The following GLCCI1 variants were observed in gnomAD, a reference collection of about 807,000 sequenced individuals.
GLCCI1 encodes glucocorticoid induced 1, also known as glucocorticoid-induced transcript 1 protein.
A neutral mutation model predicts 52.2 loss-of-function variants in GLCCI1; 24 were observed. That is an observed-to-expected ratio of 0.46 (90% CI 0.33 to 0.65). The LOEUF (loss-of-function observed/expected upper bound fraction) is 0.65, where lower values mean the gene tolerates loss of function less well. GLCCI1 is among the 30% of genes least tolerant of loss of function. The pLI is 0.02. For synonymous variants in GLCCI1, 310 were observed against 276.5 expected (o/e 1.12, Z -1.20); for missense variants, 704 against 701.5 (o/e 1.00, Z -0.04).
chr7:8,060,964 C>T (rs1782501736), intron 5 of GLCCI1, among the ~76,000 whole-genome samples: 2 of 152,272 alleles, frequency 1.3e-5, no homozygotes, highest in South Asian at 4.1e-4. Flanking sequence ...TTCTCTGCAT[C>T]CTCACCAACA....
chr7:7,998,588 C>A (rs1229928650), intron 1 of GLCCI1, among the ~76,000 whole-genome samples: 11 of 152,124 alleles, frequency 7.2e-5, no homozygotes. Flanking sequence ...GTGGTTGGGT[C>A]TTTTTCCAAA....
At chr7:8,058,502 A>G (rs537836972) in intron 4 of GLCCI1, among the ~76,000 whole-genome samples, 1 of 152,336 alleles carries the variant, frequency 6.6e-6, no homozygotes, top group South Asian at 2.1e-4. Flanking sequence ...AATTATAGCA[A>G]TTAAGTGGCA....
Position 7,969,768 on chromosome 7 carries a change from TCACCTGAGAGAC to T in GLCCI1, c.419_430del (p.Ser140_Arg144delinsTrp), listed in dbSNP as rs754601634. 5.4e-6 allele frequency: 8 copies of T among 1,482,860 alleles called. No homozygotes were observed. Among genetic ancestry groups the T allele is most frequent in the Non-Finnish European group, 7.1e-6 (8 of 1,120,896 alleles). 91.9% of individuals were successfully genotyped at this position (1,482,860 alleles called of 1,614,324 possible). A position where few individuals can be genotyped will look rare whatever the true frequency, so the allele number is the denominator to read the frequency against. ...CCCAGAGAGCCACCGGAGGAGCAGC[TCACCTGAGAGAC>T]GGAGCCCCGGCTCGCCCGTGTGCAG... On this transcript the variant is annotated inframe_deletion, in exon 1 of 8. Transcript: ENST00000223145. This position sits in a 1 kb window ranked among gnomAD's most constrained non-coding sequence, Gnocchi z 4.9.
At chr7:8,066,953 A>G (rs868218664) in intron 5 of GLCCI1, among the ~76,000 whole-genome samples, 20 of 152,238 alleles carry the variant, frequency 1.3e-4, no homozygotes, top group Middle Eastern at 3.4e-3. Context: ...TTTCTACCTC[A>G]GTGATCTGGC....
At chr7:7,974,681 A>T (rs1458898926) in intron 1 of GLCCI1, among the ~76,000 whole-genome samples, 1 of 152,208 alleles carries the variant, frequency 6.6e-6, no homozygotes, top group Admixed American at 6.5e-5. Flanking sequence ...TTAGTCTGAA[A>T]TTTTAAAAAA....
At chr7:8,041,140 G>A (rs950579735) in intron 3 of GLCCI1, among the ~76,000 whole-genome samples, 3 of 152,282 alleles carry the variant, frequency 2.0e-5, no homozygotes, top group African/African-American at 7.2e-5. Flanking sequence ...ACACAAGAAT[G>A]ATAACAAAGC....
chr7:7,974,662 G>A (rs112633997), intron 1 of GLCCI1, among the ~76,000 whole-genome samples: 1 of 152,178 alleles, frequency 6.6e-6, no homozygotes, highest in Non-Finnish European at 1.5e-5. Context: ...TAGTCGGAGA[G>A]GGTTTTCCTT....
intron 3 of GLCCI1, among the ~76,000 whole-genome samples, chr7:8,053,331 G>GTTTT (rs1448225288): frequency 2.3e-4 from 26 of 113,416 alleles, no homozygotes; most frequent in African/African-American, 5.3e-4. Context: ...TTTTTTGTTT[G>GTTTT]TTTGTTTGTT....
intron 5 of GLCCI1, among the ~76,000 whole-genome samples, chr7:8,068,014 A>T (rs374154731): frequency 9.9e-5 from 15 of 152,108 alleles, no homozygotes; most frequent in African/African-American, 3.6e-4. Context: ...GTCTCTTTAC[A>T]TAGTATTTCT....
At chr7:8,003,856 TTA>T (rs1781094510) in intron 1 of GLCCI1, 50 bp from the exon 2 acceptor site, 1 of 1,529,690 alleles carries the variant, frequency 6.5e-7, no homozygotes, top group Non-Finnish European at 8.9e-7. Context: ...TTAGATAACT[TTA>T]AATTTTATTT....
Position 8,050,783 on chromosome 7 carries a change from A to G in GLCCI1, c.697-4650A>G, listed in dbSNP as rs557081807. On this transcript the variant is annotated intron_variant, in intron 3 of 7. Transcript: ENST00000223145. ...GAGAGCAGAATGTGGAATTCCACTTACTGAGTCCAAACACTTGTTTACCAC... is the reference window on the plus strand; with the variant it reads ...GAGAGCAGAATGTGGAATTCCACTTGCTGAGTCCAAACACTTGTTTACCAC... Among the ~76,000 whole-genome samples, 3 of 152,352 alleles carry G rather than the reference A, an allele frequency of 2.0e-5. No individual in the cohort carries two copies. The East Asian group carries it at 5.8e-4, about 29-fold the overall frequency.
rs766390857 is a variant in GLCCI1, at chr7:8,022,523, C to G, written c.650C>G (p.Ser217Ter). 1 of 1,587,758 alleles carries G rather than the reference C, an allele frequency of 6.3e-7. No individual in the cohort carries two copies. Among genetic ancestry groups the G allele is most frequent in the Non-Finnish European group, 8.6e-7 (1 of 1,165,676 alleles). ...GCAGAAGAGGGTGCAGAAAAGAGGT[C>G]ACATCAGCGTTCTGCGTCATGGGGG... ...CWAEEGAEKRSHQRSASWGSA... is the reference protein window; with the variant it reads ...CWAEEGAEKR Residue 217 changes from serine (S) to a stop codon, truncating the protein, a stop_gained, in exon 3 of 8, where the codon TCA becomes TGA. Coordinates refer to ENST00000223145, the MANE Select transcript of GLCCI1 (RefSeq NM_138426.4). LOFTEE classifies it high-confidence loss of function.
intron 5 of GLCCI1, among the ~76,000 whole-genome samples, chr7:8,064,980 G>T (rs1326954305): frequency 1.3e-5 from 2 of 152,162 alleles, no homozygotes; most frequent in East Asian, 3.8e-4. Flanking sequence ...CCCCCCTAAA[G>T]TGCTGGGATT....
intron 1 of GLCCI1, among the ~76,000 whole-genome samples, chr7:7,986,374 C>T (rs1252002836): frequency 1.2e-5 from 1 of 80,934 alleles, no homozygotes; most frequent in African/African-American, 5.5e-5. Flanking sequence ...TAGCCGGGAG[C>T]AGGGGGAGGG....
At chr7:7,987,951 A>G (rs1414867906) in intron 1 of GLCCI1, among the ~76,000 whole-genome samples, 1 of 152,176 alleles carries the variant, frequency 6.6e-6, no homozygotes, top group Admixed American at 6.5e-5. Context: ...AATTAGTTCA[A>G]TTAGATTATT....
chr7:7,983,266 T>C (rs925133968), intron 1 of GLCCI1, among the ~76,000 whole-genome samples: 16 of 152,134 alleles, frequency 1.1e-4, no homozygotes, highest in African/African-American at 3.9e-4. Context: ...TAGGGAGGTA[T>C]AGGAAAAGTA....
At chr7:8,084,098 T>C (rs935282929) in intron 6 of GLCCI1, among the ~76,000 whole-genome samples, 3 of 152,224 alleles carry the variant, frequency 2.0e-5, no homozygotes, top group African/African-American at 7.2e-5. Context: ...CTTTACAACT[T>C]GGCCTCTTAT....
At chr7:8,058,875 T>A (rs1432918864) in intron 4 of GLCCI1, among the ~76,000 whole-genome samples, 1 of 152,190 alleles carries the variant, frequency 6.6e-6, no homozygotes. Context: ...CGTAAAATAG[T>A]CACTTAACAT....
At chr7:7,995,953 AAGAG>A (rs1583956157) in intron 1 of GLCCI1, among the ~76,000 whole-genome samples, 2 of 152,206 alleles carry the variant, frequency 1.3e-5, no homozygotes, top group Non-Finnish European at 1.5e-5. Context: ...AAATGAAAAA[AAGAG>A]AGCCTATTTT....
Sources: allele counts gnomAD v4.1 joint callset (sites outside exome capture counted in the v4.1 genomes callset), GRCh38; gene constraint gnomAD v4.1.1; non-coding constraint Gnocchi (gnomAD v3.1); transcripts MANE v1.5; gene names NCBI Gene and HGNC (gene_info 2026-07-23, HGNC 2026-07-21).